The following SCHIP1 variants were observed in gnomAD, a reference collection of about 807,000 sequenced individuals.
SCHIP1 encodes schwannomin-interacting protein 1.
In SCHIP1, 8 loss-of-function variants were observed where a neutral mutation model predicts 29.7. That is an observed-to-expected ratio of 0.27 (90% CI 0.16 to 0.49). The LOEUF (loss-of-function observed/expected upper bound fraction) is 0.49, where lower values mean the gene tolerates loss of function less well. Ranked by LOEUF, SCHIP1 falls within the 20% of genes least tolerant of loss-of-function variation. The probability of loss-of-function intolerance (pLI) is 0.99; values close to 1 mark genes in which losing one functional copy is unlikely to be tolerated. For missense variants in SCHIP1, 193 were observed against 294.6 expected, an observed-to-expected ratio of 0.66 and a Z score of 2.52; for synonymous variants, 76 against 94.9, an observed-to-expected ratio of 0.80 and a Z score of 1.16.
the SCHIP1 span, among the ~76,000 whole-genome samples, chr3:159,308,738 A>C: frequency 1.3e-5 from 2 of 152,230 alleles, no homozygotes; most frequent in African/African-American, 4.8e-5. Context: ...TGCTATTTAC[A>C]CTAACAAAGA....
the SCHIP1 span, among the ~76,000 whole-genome samples, chr3:159,365,972 C>A: frequency 1.3e-5 from 2 of 152,070 alleles, no homozygotes; most frequent in African/African-American, 4.8e-5. Context: ...TGTATTAGAC[C>A]GCTCTTGTAT....
the SCHIP1 span, among the ~76,000 whole-genome samples, chr3:159,696,899 G>A: frequency 6.6e-5 from 10 of 152,326 alleles, no homozygotes; most frequent in South Asian, 1.0e-3. Flanking sequence ...AATGGAGAAA[G>A]GTAGGGCACT....
At chr3:159,451,720 C>T in the SCHIP1 span, among the ~76,000 whole-genome samples, 1 of 152,112 alleles carries the variant, frequency 6.6e-6, no homozygotes, top group African/African-American at 2.4e-5. Flanking sequence ...ACTGTCTCTG[C>T]CCTTAGGTTA....
chr3:159,632,725 G>A, the SCHIP1 span, among the ~76,000 whole-genome samples: 2 of 152,194 alleles, frequency 1.3e-5, no homozygotes, highest in African/African-American at 4.8e-5. Flanking sequence ...GAGCTGGTCT[G>A]ACTGAAGGGC....
At chr3:159,286,152 A>G in the SCHIP1 span, among the ~76,000 whole-genome samples, 884 of 152,218 alleles carry the variant, frequency 5.8e-3, 5 homozygotes, top group African/African-American at 0.02. Context: ...GGTTTGGTGT[A>G]TAAACTATTT....
At chr3:159,360,322 T>C in the SCHIP1 span, among the ~76,000 whole-genome samples, 4 of 152,230 alleles carry the variant, frequency 2.6e-5, no homozygotes, top group Non-Finnish European at 5.9e-5. Context: ...TGGTGTACAG[T>C]TGCATGCATT....
the SCHIP1 span, among the ~76,000 whole-genome samples, chr3:159,382,520 G>C: frequency 1.0e-3 from 155 of 152,092 alleles, 2 homozygotes; most frequent in South Asian, 0.024. Flanking sequence ...TTGGATATTT[G>C]GGTTGGTCCC....
the SCHIP1 span, among the ~76,000 whole-genome samples, chr3:159,325,954 T>A: frequency 3.3e-5 from 5 of 152,268 alleles, no homozygotes; most frequent in South Asian, 6.2e-4. Context: ...TCTTCTTTAA[T>A]GTTTATGACA....
the SCHIP1 span, among the ~76,000 whole-genome samples, chr3:159,444,530 A>G: frequency 6.6e-6 from 1 of 152,176 alleles, no homozygotes; most frequent in South Asian, 2.1e-4. Context: ...AGAACTTGCC[A>G]TGATGTTAAA....
the SCHIP1 span, among the ~76,000 whole-genome samples, chr3:159,499,893 C>G: frequency 1.3e-5 from 2 of 152,164 alleles, no homozygotes; most frequent in Non-Finnish European, 2.9e-5. Flanking sequence ...TCCGGTTTCT[C>G]ATTTTGAAAC....
the SCHIP1 span, among the ~76,000 whole-genome samples, chr3:159,786,693 G>GTGTA: frequency 0.15 from 22,691 of 146,842 alleles, 2,163 homozygotes; most frequent in South Asian, 0.27. Context: ...GTGTGTGTGT[G>GTGTA]TGTCTGCGCG....
the SCHIP1 span, among the ~76,000 whole-genome samples, chr3:159,397,653 C>T: frequency 6.6e-6 from 1 of 152,112 alleles, no homozygotes; most frequent in Non-Finnish European, 1.5e-5. Context: ...GGTCAGGGAC[C>T]CACTTGAGGA....
chr3:159,440,256 T>C, the SCHIP1 span, among the ~76,000 whole-genome samples: 1 of 152,164 alleles, frequency 6.6e-6, no homozygotes, highest in African/African-American at 2.4e-5. Context: ...TGTATTCTGT[T>C]CCATTGGTCT....
the SCHIP1 span, among the ~76,000 whole-genome samples, chr3:159,370,560 T>C: frequency 1.3e-5 from 2 of 152,196 alleles, no homozygotes; most frequent in East Asian, 3.9e-4. Flanking sequence ...GTTGAGTCTG[T>C]GAGAGTGTTT....
chr3:159,699,674 AG>A, the SCHIP1 span, among the ~76,000 whole-genome samples: 3 of 152,240 alleles, frequency 2.0e-5, no homozygotes, highest in East Asian at 3.8e-4. Context: ...TTAGCTTCTT[AG>A]TACTGGATCT....
At chr3:159,678,892 C>T in the SCHIP1 span, among the ~76,000 whole-genome samples, 1 of 152,244 alleles carries the variant, frequency 6.6e-6, no homozygotes, top group Non-Finnish European at 1.5e-5. Context: ...AACTCACTCA[C>T]TATCACGAGA....
At chr3:159,307,612 C>T in the SCHIP1 span, among the ~76,000 whole-genome samples, 1 of 151,952 alleles carries the variant, frequency 6.6e-6, no homozygotes, top group Admixed American at 6.6e-5. Context: ...GTTGCAATTG[C>T]TTCTGAGGAC....
Position 159,888,417 on chromosome 3 carries a change from G to A in SCHIP1, c.466-403G>A, listed in dbSNP as rs113427294. ...ATAATGCCTGTGTCAGAGTATGATT[G>A]TGAGGATTCAGTGAGATAAAGTATT... On this transcript the variant is annotated intron_variant, in intron 4 of 6. Coordinates refer to ENST00000445224, the Ensembl canonical transcript of SCHIP1. 3.5e-3 allele frequency: 692 copies of A among 200,376 alleles called. 4 individuals carry two copies. Among genetic ancestry groups the A allele is most frequent in the African/African-American group, 0.014 (609 of 42,736 alleles). The allele number at this position is 200,376 out of a possible 1,614,324, so 12.4% of individuals were successfully genotyped here. A position where few individuals can be genotyped will look rare whatever the true frequency, so the allele number is the denominator to read the frequency against.
chr3:159,592,164 G>T, the SCHIP1 span, among the ~76,000 whole-genome samples: 6 of 151,986 alleles, frequency 3.9e-5, no homozygotes, highest in Non-Finnish European at 8.8e-5. Flanking sequence ...CCTTGTATGG[G>T]TTCTACTGAA....
Sources: gnomAD v4.1 joint callset for allele counts (sites outside exome capture counted in the v4.1 genomes callset) on GRCh38, gnomAD v4.1.1 for gene constraint, MANE v1.5 for transcripts, NCBI Gene and HGNC (gene_info 2026-07-23, HGNC 2026-07-21) for gene names.